Variants in TUSC3 observed in about 807,000 individuals in gnomAD.
TUSC3 encodes the protein dolichyl-diphosphooligosaccharide--protein glycosyltransferase subunit TUSC3.
TUSC3 carries 45 observed loss-of-function variants against 44.8 expected under a neutral mutation model. That is an observed-to-expected ratio of 1.00 (90% confidence interval 0.79 to 1.29). The LOEUF (loss-of-function observed/expected upper bound fraction) is 1.29. Ranked by LOEUF, TUSC3 falls within the 50% of genes most tolerant of loss-of-function variation. TUSC3 has a pLI of 0.00. For missense variants in TUSC3, 519 were observed against 437.9 expected, an observed-to-expected ratio of 1.19 and a Z score of -1.65; for synonymous variants, 212 against 152.9, an observed-to-expected ratio of 1.39 and a Z score of -2.85.
chr8:15,645,105 C>T (rs1430196254), intron 2 of TUSC3, among the ~76,000 whole-genome samples: 1 of 152,068 alleles, frequency 6.6e-6, no homozygotes, highest in Non-Finnish European at 1.5e-5. Flanking sequence ...AAAGTGGGTT[C>T]CAAACCTTCA....
chr8:15,715,730 C>T (rs565787268), intron 6 of TUSC3, among the ~76,000 whole-genome samples: 5 of 151,512 alleles, frequency 3.3e-5, no homozygotes, highest in Middle Eastern at 3.4e-3. Flanking sequence ...ATTTTTCTAG[C>T]GGTGGTCTCT....
chr8:15,635,914 T>TA (rs1253505018), intron 2 of TUSC3, among the ~76,000 whole-genome samples: 3 of 152,192 alleles, frequency 2.0e-5, no homozygotes, highest in Non-Finnish European at 2.9e-5. Context: ...CTACGTTAAG[T>TA]GACCTCTTGG....
At chr8:15,625,824 G>A (rs1306552535) in intron 2 of TUSC3, among the ~76,000 whole-genome samples, 1 of 152,202 alleles carries the variant, frequency 6.6e-6, no homozygotes, top group Non-Finnish European at 1.5e-5. Context: ...TTAAAAGTGA[G>A]TAGAGAACAT....
At chr8:15,538,673 C>G (rs1030822844), upstream of TUSC3, among the ~76,000 whole-genome samples, 10 of 152,084 alleles carry the variant, frequency 6.6e-5, no homozygotes, top group African/African-American at 2.2e-4. Context: ...GTCTATTAAC[C>G]TCACAACAGT....
At chr8:15,436,916 T>C (rs1799954762) in intron 1 of TUSC3, among the ~76,000 whole-genome samples, 1 of 152,234 alleles carries the variant, frequency 6.6e-6, no homozygotes, top group Non-Finnish European at 1.5e-5. Context: ...TACATCTTGT[T>C]GATAATTCAG....
chr8:15,596,213 G>A (rs971547354), intron 1 of TUSC3, among the ~76,000 whole-genome samples: 10 of 152,120 alleles, frequency 6.6e-5, no homozygotes, highest in Admixed American at 3.3e-4. Context: ...TTTTTGAAAT[G>A]GTTGTCTTTT....
intron 1 of TUSC3, among the ~76,000 whole-genome samples, chr8:15,466,910 T>C (rs2129122479): frequency 6.6e-6 from 1 of 152,258 alleles, no homozygotes; most frequent in African/African-American, 2.4e-5. Context: ...TTTCGTCCTT[T>C]TATGTAAAAG....
At chr8:15,689,131 C>T in intron 6 of TUSC3, 1 of 393,712 alleles carries the variant, frequency 2.5e-6, no homozygotes, top group Middle Eastern at 3.8e-4. Flanking sequence ...CGCCATTCTT[C>T]TAGCTCATTT....
chr8:15,820,120 C>T, the TUSC3 span, among the ~76,000 whole-genome samples: 2 of 152,066 alleles, frequency 1.3e-5, no homozygotes, highest in Non-Finnish European at 2.9e-5. Context: ...GATCATATCC[C>T]ACTTCTTTAT....
At chr8:15,694,247 A>C (rs1198997609) in intron 6 of TUSC3, among the ~76,000 whole-genome samples, 1 of 151,962 alleles carries the variant, frequency 6.6e-6, no homozygotes, top group African/African-American at 2.4e-5. Flanking sequence ...GTTTCATACC[A>C]GCCTAGCCAA....
chr8:15,550,518 A>G (rs912078594), intron 1 of TUSC3, among the ~76,000 whole-genome samples: 5 of 151,644 alleles, frequency 3.3e-5, no homozygotes, highest in African/African-American at 9.7e-5. Context: ...GTGTTATTGT[A>G]TTCTCATGCT....
At chr8:15,525,253 A>G (rs1311926672) in intron 2 of TUSC3, among the ~76,000 whole-genome samples, 2 of 152,164 alleles carry the variant, frequency 1.3e-5, no homozygotes, top group Non-Finnish European at 2.9e-5. Flanking sequence ...AAAGCCTACA[A>G]ACACTATGAT....
In TUSC3 at chr8:15,623,154, T is replaced by C. The variant is rs1465764028; in HGVS notation, c.213T>C (p.Asp71=). The C allele has an allele frequency of 6.2e-7, 1 of 1,613,914 alleles. No individual in the cohort carries two copies. Among genetic ancestry groups the C allele is most frequent in the Non-Finnish European group, 8.5e-7 (1 of 1,179,896 alleles). ...GCTCAATCTTCCGAATGAATGGTGA[T>C]AAATTCCGAAAATTTATAAAGGCAC... The part of the protein sequence containing the change: ...SRRSIFRMNG[D]KFRKFIKAPP... Residue 71 remains aspartate (D), a synonymous_variant, in exon 2 of 11, where the codon GAT becomes GAC. Transcript: ENST00000503731.
intron 1 of TUSC3, among the ~76,000 whole-genome samples, chr8:15,442,857 C>G (rs1291356119): frequency 1.3e-5 from 2 of 152,156 alleles, no homozygotes. Flanking sequence ...GTGCATGGAG[C>G]CCAGTTGTAG....
intron 2 of TUSC3, among the ~76,000 whole-genome samples, chr8:15,650,247 A>C (rs1806830597): frequency 6.6e-6 from 1 of 152,316 alleles, no homozygotes; most frequent in Non-Finnish European, 1.5e-5. Flanking sequence ...CTGTTAAACT[A>C]AGTTGCAAAT....
At chr8:15,477,574 T>G (rs1440490778) in intron 1 of TUSC3, among the ~76,000 whole-genome samples, 2 of 151,842 alleles carry the variant, frequency 1.3e-5, no homozygotes, top group Non-Finnish European at 1.5e-5. Flanking sequence ...TACAAAAAAT[T>G]AGCCAAGTGA....
chr8:15,538,250 G>A (rs1801555111), upstream of TUSC3, among the ~76,000 whole-genome samples: 1 of 152,170 alleles, frequency 6.6e-6, no homozygotes, highest in South Asian at 2.1e-4. Flanking sequence ...GTCTATTGAA[G>A]CTTGCTCTCA....
At chr8:15,667,737 A>G (rs903625838) in intron 5 of TUSC3, among the ~76,000 whole-genome samples, 1 of 151,698 alleles carries the variant, frequency 6.6e-6, no homozygotes. Context: ...TTATGAACCC[A>G]AAGTGTTGAA....
At position 15,486,031 on chromosome 8, in the gene TUSC3, T is replaced by C. The variant is rs141707533; in HGVS notation, n.189+2548T>C. Among the ~76,000 whole-genome samples, 119 of 152,230 alleles carry C rather than the reference T, an allele frequency of 7.8e-4. 1 individual carries two copies. In the East Asian group the frequency reaches 0.017, roughly 21 times the overall value. On this transcript the variant is annotated intron_variant and non_coding_transcript_variant, in intron 2 of 5. Transcript: ENST00000503191. ...CTGGTCTCAAACTCCTGACCTTAAG[T>C]GATCCATCCACCTTGGCCTCCCATG...
Sources: gnomAD v4.1 joint callset for allele counts (sites outside exome capture counted in the v4.1 genomes callset) on GRCh38, gnomAD v4.1.1 for gene constraint, MANE v1.5 for transcripts, NCBI Gene and HGNC (gene_info 2026-07-23, HGNC 2026-07-21) for gene names.